The following YTHDC2 variants were observed in gnomAD, a reference collection of about 807,000 sequenced individuals.
YTHDC2 encodes the protein 3'-5' RNA helicase YTHDC2.
A neutral mutation model predicts 174.9 loss-of-function variants in YTHDC2; 45 were observed. The observed-to-expected ratio is 0.26, with a 90% CI of 0.20 to 0.33. YTHDC2 has a LOEUF of 0.33. YTHDC2 is among the 10% of genes least tolerant of loss of function. YTHDC2 has a pLI of 1.00. For missense variants in YTHDC2, 1,650 were observed against 1,723.7 expected, an observed-to-expected ratio of 0.96 and a Z score of 0.76; for synonymous variants, 657 against 574.5, an observed-to-expected ratio of 1.14 and a Z score of -2.05.
chr5:113,539,083 G>T lies in YTHDC2; in HGVS notation c.1112G>T (p.Arg371Ile), dbSNP rs956251923. 3 of 1,402,226 alleles carry T rather than the reference G, an allele frequency of 2.1e-6. No homozygotes were observed. The highest frequency in any genetic ancestry group is 2.9e-6 in the Non-Finnish European group (3 of 1,042,754). 86.9% of individuals were successfully genotyped at this position (1,402,226 alleles called of 1,614,324 possible). ...GSCPVIYIQGRPFEVKEMFLE... is the reference protein window; with the variant it reads ...GSCPVIYIQGIPFEVKEMFLE... The stretch of plus-strand genomic sequence containing the variant: ...TTTTTTTATTATTTAGTACAGGGAA[G>T]ACCATTTGAAGTAAAAGAAATGTTT... The change falls in exon 8 of 30, where the codon AGA becomes ATA. Residue 371 changes from arginine (R) to isoleucine (I), a missense_variant. Transcript: ENST00000161863.
intron 23 of YTHDC2, among the ~76,000 whole-genome samples, chr5:113,577,728 A>C (rs1778147032): frequency 6.6e-6 from 1 of 152,148 alleles, no homozygotes; most frequent in Non-Finnish European, 1.5e-5. Context: ...TTAATTAGCC[A>C]TACCTTATTT....
At chr5:113,540,757 T>C (rs1775400291) in intron 8 of YTHDC2, among the ~76,000 whole-genome samples, 1 of 152,170 alleles carries the variant, frequency 6.6e-6, no homozygotes, top group Non-Finnish European at 1.5e-5. Context: ...AGCCTAACCA[T>C]ATCAATGAAG....
chr5:113,545,727 C>CTTTTTTTT (rs1561654277), intron 10 of YTHDC2, among the ~76,000 whole-genome samples: 2 of 80,368 alleles, frequency 2.5e-5, no homozygotes, highest in African/African-American at 2.1e-4. Context: ...AATTGATCTC[C>CTTTTTTTT]ATTTTTTTTT....
At chr5:113,554,548 G>C (rs1776473078) in intron 16 of YTHDC2, among the ~76,000 whole-genome samples, 1 of 150,254 alleles carries the variant, frequency 6.7e-6, no homozygotes, top group Non-Finnish European at 1.5e-5. Context: ...ATAACCAGCA[G>C]CTAAATTGGA....
intron 26 of YTHDC2, among the ~76,000 whole-genome samples, chr5:113,584,902 G>A (rs114465067): frequency 0.031 from 4,716 of 150,064 alleles, 104 homozygotes; most frequent in East Asian, 0.089. Flanking sequence ...CAGCTTTTGA[G>A]TAGCTGGGAC....
In YTHDC2 at chr5:113,539,078, G is replaced by C; in HGVS notation, c.1107G>C (p.Gln369His). The change falls in exon 8 of 30, where the codon CAG becomes CAC. Residue 369 changes from glutamine to histidine, a missense_variant. By Grantham distance (24) the Gln-to-His change is conservative (BLOSUM62 0). Around this residue, in one of 5 missense-constraint regions of YTHDC2, gnomAD observed 411 missense variants for 380.6 expected, o/e 1.08. Transcript: ENST00000161863. ...YFGSCPVIYIQGRPFEVKEMF... is the reference protein window; with the variant it reads ...YFGSCPVIYIHGRPFEVKEMF... ...TAATTTTTTTTTATTATTTAGTACA[G>C]GGAAGACCATTTGAAGTAAAAGAAA... is the stretch of plus-strand genomic sequence containing the variant. The C allele has an allele frequency of 7.2e-7, 1 of 1,398,358 alleles. No individual in the cohort carries two copies. The highest frequency in any genetic ancestry group is 2.6e-5 in the East Asian group (1 of 38,908). 86.6% of individuals were successfully genotyped at this position (1,398,358 alleles called of 1,614,324 possible).
At chr5:113,567,904 A>T in intron 23 of YTHDC2, 55 bp downstream of exon 23, 1 of 1,291,560 alleles carries the variant, frequency 7.7e-7, no homozygotes, top group Non-Finnish European at 1.0e-6. Context: ...TTTTTTTACC[A>T]AATAATGAAA....
chr5:113,527,157 G>A (rs1774319045), intron 4 of YTHDC2, among the ~76,000 whole-genome samples: 1 of 152,116 alleles, frequency 6.6e-6, no homozygotes, highest in Non-Finnish European at 1.5e-5. Context: ...ACCTCTGTGA[G>A]CCAGAGTTCT....
intron 19 of YTHDC2, 110 bp from the exon 20 acceptor site, chr5:113,563,746 TGTA>T (rs763798385): frequency 2.4e-5 from 30 of 1,232,766 alleles, no homozygotes; most frequent in East Asian, 7.4e-5. Flanking sequence ...TTTTATGAGA[TGTA>T]GTAGCAAAAG....
chr5:113,557,877 A>G (rs1224274409), intron 17 of YTHDC2, among the ~76,000 whole-genome samples: 1 of 152,264 alleles, frequency 6.6e-6, no homozygotes. Flanking sequence ...CCATTTTTCA[A>G]CAAATGTTTA....
chr5:113,563,802 G>A (rs1777162607), intron 19 of YTHDC2, 57 bp from the exon 20 acceptor site: 10 of 1,565,690 alleles, frequency 6.4e-6, no homozygotes, highest in Admixed American at 3.6e-5. Context: ...TTTTAATTAT[G>A]TGTTTTGATT....
In YTHDC2 at chr5:113,553,947, T is replaced by G. The variant is rs756555856; in HGVS notation, c.2058T>G (p.Leu686=). 6.3e-7 allele frequency: 1 copy of G among 1,584,272 alleles called. No individual in the cohort carries two copies. The highest frequency in any genetic ancestry group is 8.6e-7 in the Non-Finnish European group (1 of 1,169,396). The part of the protein sequence containing the change: ...NPPAGVRKII[L]STNIAETSIT... The stretch of plus-strand genomic sequence containing the variant: ...AAAGTAATATCTTGTTGCAGATTCT[T>G]TCCACCAATATTGCTGAAACCAGCA... The change falls in exon 16 of 30, where the codon CTT becomes CTG. Residue 686 remains leucine, a synonymous_variant. Transcript: ENST00000161863.
rs148801229 is a variant in YTHDC2 at position 113,532,916 on chromosome 5, G to A, written c.713G>A (p.Gly238Asp). 25 of 1,613,032 alleles carry A rather than the reference G, an allele frequency of 1.5e-5. No individual in the cohort carries two copies. The African/African-American group carries it at 3.2e-4, about 21-fold the overall frequency. ...QFLLDDCFKN[G>D]IPCRIFCTQP... Reference sequence around the variant, plus strand: ...CTTTTAGATGATTGCTTTAAAAATGGTATCCCCTGCCGTATATTTTGTACT... The same window carrying A: ...CTTTTAGATGATTGCTTTAAAAATGATATCCCCTGCCGTATATTTTGTACT... Residue 238 changes from glycine (G) to aspartate (D), a missense_variant, in exon 5 of 30, where the codon GGT (glycine) becomes GAT (aspartate). By Grantham distance (94) the Gly-to-Asp change is moderately conservative. Transcript: ENST00000161863.
At chr5:113,579,829 TG>T in intron 24 of YTHDC2, 134 bp downstream of exon 24, 3 of 1,296,188 alleles carry the variant, frequency 2.3e-6, no homozygotes, top group Non-Finnish European at 2.9e-6. Context: ...TCAGTTTTCT[TG>T]GGGACCTCAT....
chr5:113,531,190 C>T (rs749684632), intron 4 of YTHDC2, among the ~76,000 whole-genome samples: 5 of 141,858 alleles, frequency 3.5e-5, no homozygotes, highest in African/African-American at 5.7e-5. Context: ...GTGGTACTTA[C>T]GCATTTATGC....
chr5:113,522,727 A>G (rs961396760), intron 2 of YTHDC2, among the ~76,000 whole-genome samples: 13 of 152,256 alleles, frequency 8.5e-5, no homozygotes, highest in African/African-American at 2.9e-4. Context: ...ACTGTATTTA[A>G]TGTTTCCATC....
chr5:113,516,150 AT>A (rs1034639152), intron 2 of YTHDC2, among the ~76,000 whole-genome samples: 1 of 152,208 alleles, frequency 6.6e-6, no homozygotes, highest in African/African-American at 2.4e-5. Flanking sequence ...TGAGAAAAAT[AT>A]TTTTATTTTT....
intron 23 of YTHDC2, among the ~76,000 whole-genome samples, 200 bp from the exon 24 acceptor site, chr5:113,579,386 A>ACATG (rs1561700242): frequency 2.6e-5 from 4 of 152,206 alleles, no homozygotes; most frequent in African/African-American, 9.6e-5. Context: ...GAGACATTAT[A>ACATG]GTCTTCAAAT....
Position 113,513,822 on chromosome 5 carries a change from C to G in YTHDC2, c.-74C>G. The G allele has an allele frequency of 4.1e-6, 6 of 1,469,112 alleles. No individual in the cohort carries two copies. Among genetic ancestry groups the G allele is most frequent in the Non-Finnish European group, 5.4e-6 (6 of 1,111,192 alleles). The allele number at this position is 1,469,112 out of a possible 1,614,324, so 91.0% of individuals were successfully genotyped here. A position where few individuals can be genotyped will look rare whatever the true frequency, so the allele number is the denominator to read the frequency against. ...GCTTCCCGGTAGTGGCCCCGGATTCCCACGGTCTTTGTCATTGGCTGTCAG... is the reference window on the plus strand; with the variant it reads ...GCTTCCCGGTAGTGGCCCCGGATTCGCACGGTCTTTGTCATTGGCTGTCAG... On this transcript the variant is annotated 5_prime_UTR_variant, in exon 1 of 30. Transcript: ENST00000161863.
Sources: allele counts gnomAD v4.1 joint callset (sites outside exome capture counted in the v4.1 genomes callset), GRCh38; gene constraint gnomAD v4.1.1; regional missense constraint gnomAD v4.1.1; transcripts MANE v1.5; gene names NCBI Gene and HGNC (gene_info 2026-07-23, HGNC 2026-07-21).